Variants in MGAT4C observed in about 807,000 individuals in gnomAD.
The protein encoded by MGAT4C is MGAT4 family member C, also known as alpha-1,3-mannosyl-glycoprotein 4-beta-N-acetylglucosaminyltransferase C.
MGAT4C carries 19 observed loss-of-function variants against 40.1 expected under a neutral mutation model. The observed-to-expected ratio is 0.47, with a 90% CI of 0.33 to 0.70. The LOEUF is 0.70. Among genes scored for constraint, MGAT4C ranks in the 30% least tolerant of loss-of-function variants. The probability of loss-of-function intolerance (pLI) is 0.02; values close to 1 mark genes in which losing one functional copy is unlikely to be tolerated. For missense variants in MGAT4C, 491 were observed against 563.2 expected (o/e 0.87, Z 1.30); for synonymous variants, 181 against 187.1 (o/e 0.97, Z 0.27).
At position 86,154,520 on chromosome 12, in the gene MGAT4C, G is replaced by T. The variant is rs184718397; in HGVS notation, c.-57+101719C>A. The stretch of plus-strand genomic sequence containing the variant: ...TTCTGTTGTCCCTCACTGCCTATCT[G>T]TAAAAAATAAACTTGCTTCTTGTAA... On this transcript the variant is annotated intron_variant, in intron 1 of 4. Transcript: ENST00000611864. 1.7e-3 allele frequency among the ~76,000 whole-genome samples: 261 copies of T among 152,204 alleles called. 1 individual carries two copies. Among genetic ancestry groups the T allele is most frequent in the Non-Finnish European group, 3.1e-3 (211 of 68,016 alleles).
At chr12:86,231,837 A>G (rs1402777055) in intron 1 of MGAT4C, among the ~76,000 whole-genome samples, 1 of 152,190 alleles carries the variant, frequency 6.6e-6, no homozygotes, top group Non-Finnish European at 1.5e-5. Flanking sequence ...GTCATTAGAC[A>G]TTATAAAATC....
chr12:86,801,812 T>C (rs753531506), intron 1 of MGAT4C, among the ~76,000 whole-genome samples: 1 of 151,850 alleles, frequency 6.6e-6, no homozygotes, highest in African/African-American at 2.4e-5. Context: ...GAAATGTCCA[T>C]CATACCTAAC....
chr12:86,828,434 A>C (rs1952851410), intron 1 of MGAT4C, among the ~76,000 whole-genome samples: 1 of 151,516 alleles, frequency 6.6e-6, no homozygotes, highest in African/African-American at 2.4e-5. Flanking sequence ...CAAACTTTTA[A>C]AAATTTGTTT....
intron 2 of MGAT4C, among the ~76,000 whole-genome samples, chr12:86,002,869 C>T (rs1172628540): frequency 6.6e-6 from 1 of 152,056 alleles, no homozygotes; most frequent in Non-Finnish European, 1.5e-5. Flanking sequence ...GGTGCAATCA[C>T]AGCTCACTGC....
intron 3 of MGAT4C, among the ~76,000 whole-genome samples, chr12:86,403,005 A>G (rs1280002424): frequency 6.6e-6 from 1 of 152,200 alleles, no homozygotes; most frequent in Non-Finnish European, 1.5e-5. Context: ...ATGTTTTATG[A>G]CAAAGCTGAA....
chr12:86,034,184 G>A (rs1203297582), intron 2 of MGAT4C, among the ~76,000 whole-genome samples: 1 of 149,692 alleles, frequency 6.7e-6, no homozygotes, highest in African/African-American at 2.4e-5. Context: ...TTGCATCTGT[G>A]TTTACCAAGG....
At chr12:86,052,582 A>G (rs1892994540) in intron 1 of MGAT4C, among the ~76,000 whole-genome samples, 1 of 151,988 alleles carries the variant, frequency 6.6e-6, no homozygotes, top group African/African-American at 2.4e-5. Context: ...TCAAGAATCA[A>G]ATTGACCACA....
At chr12:86,733,622 C>A (rs192530377) in intron 1 of MGAT4C, among the ~76,000 whole-genome samples, 16 of 152,134 alleles carry the variant, frequency 1.1e-4, no homozygotes, top group Non-Finnish European at 1.2e-4. Flanking sequence ...TTGTACATCA[C>A]AATAGATGTC....
chr12:86,295,462 G>C (rs980371170), intron 4 of MGAT4C, among the ~76,000 whole-genome samples: 2 of 152,152 alleles, frequency 1.3e-5, no homozygotes, highest in African/African-American at 4.8e-5. Flanking sequence ...CAGGAGTGAA[G>C]CTGCAGATTT....
intron 3 of MGAT4C, among the ~76,000 whole-genome samples, chr12:86,367,376 T>C (rs1195605256): frequency 6.6e-6 from 1 of 152,120 alleles, no homozygotes; most frequent in Admixed American, 6.6e-5. Context: ...GAATCCAGTG[T>C]TGGGGAGTAT....
intron 2 of MGAT4C, among the ~76,000 whole-genome samples, chr12:86,453,750 A>T (rs1466610493): frequency 6.6e-6 from 1 of 152,122 alleles, no homozygotes; most frequent in Non-Finnish European, 1.5e-5. Flanking sequence ...TAAGATAATT[A>T]TTCTTATGTC....
chr12:86,683,256 T>C (rs926314360), intron 2 of MGAT4C, among the ~76,000 whole-genome samples: 3 of 151,990 alleles, frequency 2.0e-5, no homozygotes, highest in African/African-American at 7.2e-5. Flanking sequence ...TAAAAGGAAA[T>C]TTATTTAACT....
At chr12:86,814,285 CAT>C (rs1177408893) in intron 1 of MGAT4C, among the ~76,000 whole-genome samples, 7 of 40,510 alleles carry the variant, frequency 1.7e-4, no homozygotes, top group Admixed American at 7.5e-4. Flanking sequence ...TATATATATA[CAT>C]ATATATACAT....
intron 1 of MGAT4C, among the ~76,000 whole-genome samples, chr12:86,740,795 T>G (rs1951057751): frequency 1.3e-5 from 2 of 151,224 alleles, no homozygotes; most frequent in African/African-American, 4.8e-5. Flanking sequence ...TGCTAGGGAT[T>G]TGTTATTTGA....
chr12:86,808,464 G>A (rs1033741237), intron 1 of MGAT4C, among the ~76,000 whole-genome samples: 3 of 151,994 alleles, frequency 2.0e-5, no homozygotes, highest in Admixed American at 2.0e-4. Context: ...AGGATGCAAG[G>A]CTGGTTCAAT....
At chr12:86,046,880 G>A (rs1273882298) in intron 2 of MGAT4C, among the ~76,000 whole-genome samples, 1 of 152,026 alleles carries the variant, frequency 6.6e-6, no homozygotes, top group African/African-American at 2.4e-5. Context: ...AATCATACAC[G>A]AAAGAAATTA....
rs1882792317 is a variant in MGAT4C at position 85,956,350 on chromosome 12, G to A, written c.*22939C>T. ...CTTGGTTTTGTTGAAAAAACTAGGTGACTCATTTATGCTAACATGGGAATC... is the reference window on the plus strand; with the variant it reads ...CTTGGTTTTGTTGAAAAAACTAGGTAACTCATTTATGCTAACATGGGAATC... On this transcript the variant is annotated 3_prime_UTR_variant, in exon 5 of 5. Transcript: ENST00000611864. The A allele has an allele frequency of 6.6e-6, 1 of 152,148 alleles. No individual in the cohort carries two copies. The highest frequency in any genetic ancestry group is 2.4e-5 in the African/African-American group (1 of 41,454). The allele number at this position is 152,148 out of a possible 1,614,324, so 9.4% of individuals were successfully genotyped here. A position where few individuals can be genotyped will look rare whatever the true frequency, so the allele number is the denominator to read the frequency against.
chr12:86,368,226 T>G (rs1955644934), intron 3 of MGAT4C, among the ~76,000 whole-genome samples: 1 of 152,128 alleles, frequency 6.6e-6, no homozygotes, highest in Admixed American at 6.6e-5. Flanking sequence ...AAACAAAAAC[T>G]AGGCTTACTA....
At chr12:86,077,880 C>T (rs1386398480) in intron 1 of MGAT4C, among the ~76,000 whole-genome samples, 1 of 152,190 alleles carries the variant, frequency 6.6e-6, no homozygotes, top group Non-Finnish European at 1.5e-5. Flanking sequence ...CCAGCCAACA[C>T]TGTATCTTTC....
Sources: allele counts gnomAD v4.1 joint callset (sites outside exome capture counted in the v4.1 genomes callset), GRCh38; gene constraint gnomAD v4.1.1; transcripts MANE v1.5; gene names NCBI Gene and HGNC (gene_info 2026-07-23, HGNC 2026-07-21).